The following EPHA6 variants were observed in gnomAD, a reference collection of about 807,000 sequenced individuals.
EPHA6 encodes the protein ephrin type-A receptor 6.
A neutral mutation model predicts 112.0 loss-of-function variants in EPHA6; 50 were observed. The observed-to-expected ratio is 0.45, with a 90% CI of 0.36 to 0.56. The LOEUF (loss-of-function observed/expected upper bound fraction) is 0.56. EPHA6 is among the 20% of genes least tolerant of loss of function. EPHA6 has a pLI of 0.00. For synonymous variants in EPHA6, 529 were observed against 490.7 expected (o/e 1.08, Z -1.03); for missense variants, 1,280 against 1,417.4 (o/e 0.90, Z 1.56).
chr3:97,156,866 T>C (rs758939714), intron 3 of EPHA6, among the ~76,000 whole-genome samples: 1 of 152,132 alleles, frequency 6.6e-6, no homozygotes, highest in Non-Finnish European at 1.5e-5. Flanking sequence ...CTCAAACACA[T>C]TTGAAATATA....
intron 3 of EPHA6, among the ~76,000 whole-genome samples, chr3:97,100,008 A>G (rs2047356856): frequency 1.3e-5 from 2 of 151,974 alleles, no homozygotes. Flanking sequence ...CACCATGTGT[A>G]TGTGTATTTT....
intron 3 of EPHA6, among the ~76,000 whole-genome samples, chr3:97,142,914 AC>A (rs887253032): frequency 6.6e-6 from 1 of 151,860 alleles, no homozygotes; most frequent in Non-Finnish European, 1.5e-5. Flanking sequence ...TCCTCTGAGA[AC>A]CGGAAGAAGA....
At chr3:97,411,309 C>T (rs2087700174) in intron 6 of EPHA6, among the ~76,000 whole-genome samples, 1 of 151,978 alleles carries the variant, frequency 6.6e-6, no homozygotes, top group Non-Finnish European at 1.5e-5. Context: ...TAGCAAGACT[C>T]TGACTGGGGC....
chr3:97,442,303 G>C (rs1321129234), intron 6 of EPHA6, among the ~76,000 whole-genome samples: 1 of 152,094 alleles, frequency 6.6e-6, no homozygotes, highest in Admixed American at 6.6e-5. Flanking sequence ...GACTGAAGAG[G>C]GCTGGGCATG....
intron 3 of EPHA6, among the ~76,000 whole-genome samples, chr3:97,025,944 G>T (rs981308888): frequency 6.6e-6 from 1 of 152,038 alleles, no homozygotes; most frequent in Non-Finnish European, 1.5e-5. Flanking sequence ...TAAGGTGGGG[G>T]TCCAGTTTCA....
At chr3:97,141,309 A>C (rs961910562) in intron 3 of EPHA6, among the ~76,000 whole-genome samples, 8 of 152,076 alleles carry the variant, frequency 5.3e-5, no homozygotes, top group Non-Finnish European at 8.8e-5. Context: ...CTGGACTTAA[A>C]CTGGACTGTA....
intron 2 of EPHA6, among the ~76,000 whole-genome samples, chr3:96,979,277 A>G (rs2042659551): frequency 7.5e-6 from 1 of 134,182 alleles, no homozygotes; most frequent in South Asian, 2.3e-4. Flanking sequence ...TTCAATTCCC[A>G]CCTATGAGTG....
intron 3 of EPHA6, among the ~76,000 whole-genome samples, chr3:97,041,186 T>C (rs1189326422): frequency 1.3e-5 from 2 of 152,170 alleles, no homozygotes; most frequent in African/African-American, 4.8e-5. Flanking sequence ...GTCAGTTTTC[T>C]CAGTCTTCCT....
At chr3:97,526,206 G>C (rs1038032966) in intron 10 of EPHA6, among the ~76,000 whole-genome samples, 3 of 152,206 alleles carry the variant, frequency 2.0e-5, no homozygotes, top group Non-Finnish European at 4.4e-5. Flanking sequence ...GCCTGAATGG[G>C]CACTGTGGGA....
At chr3:97,165,821 T>C (rs538221708) in intron 3 of EPHA6, among the ~76,000 whole-genome samples, 1 of 152,160 alleles carries the variant, frequency 6.6e-6, no homozygotes, top group Non-Finnish European at 1.5e-5. Context: ...GTTGAAATGG[T>C]ATTATATTTT....
intron 6 of EPHA6, among the ~76,000 whole-genome samples, chr3:97,421,745 T>C (rs2088656830): frequency 6.6e-6 from 1 of 152,168 alleles, no homozygotes; most frequent in South Asian, 2.1e-4. Context: ...GTATAGTGCA[T>C]AACATTGTTG....
chr3:97,457,932 G>C (rs2090746730), intron 7 of EPHA6, among the ~76,000 whole-genome samples: 1 of 151,902 alleles, frequency 6.6e-6, no homozygotes, highest in African/African-American at 2.4e-5. Context: ...GCCAGGCGTG[G>C]TAGCGGGCGC....
intron 10 of EPHA6, among the ~76,000 whole-genome samples, chr3:97,492,026 G>A (rs1214345412): frequency 6.6e-6 from 1 of 152,050 alleles, no homozygotes; most frequent in Admixed American, 6.6e-5. Flanking sequence ...TGTAGGATAG[G>A]GAGGAATTCA....
chr3:97,315,725 T>C (rs1367158803), intron 5 of EPHA6, among the ~76,000 whole-genome samples: 8 of 151,732 alleles, frequency 5.3e-5, no homozygotes, highest in Non-Finnish European at 1.0e-4. Context: ...AAAGCTTCAG[T>C]ATATAATTAC....
In EPHA6 at chr3:97,753,137, C is replaced by T. The variant is rs771868766; in HGVS notation, c.*4436C>T. Among the ~76,000 whole-genome samples the T allele has an allele frequency of 6.6e-6, 1 of 151,758 alleles. No individual in the cohort carries two copies. Among genetic ancestry groups the T allele is most frequent in the Non-Finnish European group, 1.5e-5 (1 of 67,986 alleles). On this transcript the variant is annotated 3_prime_UTR_variant, in exon 18 of 18. Coordinates refer to ENST00000389672, the MANE Select transcript of EPHA6 (RefSeq NM_001080448.3). The stretch of plus-strand genomic sequence containing the variant: ...ATTTTTCAATCTTTATAATGTTCCA[C>T]AAAGACAGTATAGATTTTATCTAGT...
chr3:97,451,114 G>A (rs75333109), intron 7 of EPHA6, among the ~76,000 whole-genome samples: 2,628 of 152,062 alleles, frequency 0.017, 69 homozygotes, highest in African/African-American at 0.061. Flanking sequence ...GTAGATGAAG[G>A]TGGAGAGTTA....
At chr3:97,471,473 A>G (rs1283679810) in intron 7 of EPHA6, among the ~76,000 whole-genome samples, 1 of 151,688 alleles carries the variant, frequency 6.6e-6, no homozygotes, top group East Asian at 1.9e-4. Flanking sequence ...CTCAATAAAT[A>G]TTAATTGAAT....
At chr3:97,145,932 A>T (rs1462325471) in intron 3 of EPHA6, among the ~76,000 whole-genome samples, 2 of 151,402 alleles carry the variant, frequency 1.3e-5, no homozygotes, top group African/African-American at 4.8e-5. Flanking sequence ...TTACCTATGA[A>T]TTTTTTCATA....
intron 3 of EPHA6, among the ~76,000 whole-genome samples, chr3:97,201,825 G>C (rs2077585214): frequency 6.6e-6 from 1 of 152,034 alleles, no homozygotes; most frequent in Non-Finnish European, 1.5e-5. Flanking sequence ...CAACACATAG[G>C]CCTTGCATTT....
Sources: gnomAD v4.1 joint callset for allele counts (sites outside exome capture counted in the v4.1 genomes callset) on GRCh38, gnomAD v4.1.1 for gene constraint, MANE v1.5 for transcripts, NCBI Gene and HGNC (gene_info 2026-07-23, HGNC 2026-07-21) for gene names.